Variants in TMEM132B observed in about 807,000 individuals in gnomAD.
TMEM132B encodes the protein transmembrane protein 132B.
In TMEM132B, 18 loss-of-function variants were observed where a neutral mutation model predicts 90.8. That is an observed-to-expected ratio of 0.20 (90% confidence interval 0.14 to 0.29). The LOEUF is 0.29. TMEM132B is among the 10% of genes least tolerant of loss of function. TMEM132B has a pLI of 1.00. For synonymous variants in TMEM132B, 504 were observed against 523.3 expected (o/e 0.96, Z 0.50); for missense variants, 1,096 against 1,326.8 (o/e 0.83, Z 2.70).
intron 3 of TMEM132B, among the ~76,000 whole-genome samples, chr12:125,440,331 C>T (rs571735551): frequency 6.6e-6 from 1 of 152,236 alleles, no homozygotes; most frequent in African/African-American, 2.4e-5. Context: ...TAAATTATTC[C>T]TCTTTTTAAA....
intron 4 of TMEM132B, among the ~76,000 whole-genome samples, chr12:125,524,344 A>G (rs1883389267): frequency 6.6e-6 from 1 of 152,226 alleles, no homozygotes. Context: ...CTATCCAGCC[A>G]GTTTCGTTAT....
Position 125,349,690 on chromosome 12 carries a change from C to A in TMEM132B, c.306C>A (p.Ile102=), listed in dbSNP as rs774049001. The A allele has an allele frequency of 4.3e-6, 7 of 1,614,076 alleles. No homozygotes were observed. The Admixed American group carries it at 5.0e-5, about 12-fold the overall frequency. Residue 102 remains isoleucine, a synonymous_variant, in exon 2 of 9, where the codon ATC becomes ATA. Coordinates refer to ENST00000682704, the MANE Select transcript of TMEM132B (RefSeq NM_001366854.1). The surrounding 1 kb of genome is among the most constrained non-coding windows in gnomAD (Gnocchi z 4.1). ...GCCCATTTTCAGTGGAGAAGATAAT[C>A]CCCCAGGAGCTCCTGTTGACATCTA... ...SYGPFSVEKI[I]PQELLLTSTA...
chr12:125,530,397 G>C (rs553789683), intron 4 of TMEM132B, among the ~76,000 whole-genome samples: 2 of 152,210 alleles, frequency 1.3e-5, no homozygotes, highest in South Asian at 2.1e-4. Flanking sequence ...GGTGGGAAGT[G>C]GGTTTTACAT....
intron 2 of TMEM132B, among the ~76,000 whole-genome samples, chr12:125,404,902 G>T (rs75313037): frequency 6.6e-6 from 1 of 152,088 alleles, no homozygotes; most frequent in African/African-American, 2.4e-5. Flanking sequence ...TTGTTTATAT[G>T]TAAGCCACTG....
At chr12:125,539,353 C>T (rs1022127411) in intron 4 of TMEM132B, among the ~76,000 whole-genome samples, 6 of 152,206 alleles carry the variant, frequency 3.9e-5, no homozygotes, top group Non-Finnish European at 5.9e-5. Context: ...CTCTGACAGG[C>T]TCTCTCTGAC....
chr12:125,398,326 T>C (rs1294137701), intron 2 of TMEM132B, among the ~76,000 whole-genome samples: 1 of 152,204 alleles, frequency 6.6e-6, no homozygotes, highest in East Asian at 1.9e-4. Context: ...ATCTCATCGA[T>C]TGAAAACCAT....
At chr12:125,411,109 TG>T (rs1879811413) in intron 2 of TMEM132B, among the ~76,000 whole-genome samples, 1 of 15,696 alleles carries the variant, frequency 6.4e-5, no homozygotes, top group Non-Finnish European at 1.2e-4. Flanking sequence ...GTGGAGTGAG[TG>T]GAGTGGAGTG....
chr12:125,376,881 T>C (rs1215587264), intron 2 of TMEM132B, among the ~76,000 whole-genome samples: 2 of 152,244 alleles, frequency 1.3e-5, no homozygotes, highest in South Asian at 2.1e-4. Flanking sequence ...AATAAATGCC[T>C]GCTCCAGTGT....
intron 2 of TMEM132B, among the ~76,000 whole-genome samples, chr12:125,392,618 G>C (rs998209046): frequency 6.6e-6 from 1 of 152,146 alleles, no homozygotes; most frequent in East Asian, 1.9e-4. Flanking sequence ...GGGGAGGTTT[G>C]GGGCACTGCA....
At chr12:125,334,158 T>A (rs570146393) in intron 1 of TMEM132B, among the ~76,000 whole-genome samples, 1 of 152,360 alleles carries the variant, frequency 6.6e-6, no homozygotes, top group East Asian at 1.9e-4. Flanking sequence ...GTATGAATTT[T>A]ACCATTTATC....
chr12:125,392,396 AT>A (rs1332397263), intron 2 of TMEM132B, among the ~76,000 whole-genome samples: 28 of 152,294 alleles, frequency 1.8e-4, no homozygotes, highest in African/African-American at 6.7e-4. Flanking sequence ...CACTCGCTTA[AT>A]GCTCAAGGCT....
At position 125,326,618 on chromosome 12, in the gene TMEM132B, C is replaced by A. The variant is rs534784048; in HGVS notation, c.68-22834C>A. Reference sequence around the variant, plus strand: ...GCCCTCGCCTCAGCTCCAGACTCTACGGGAAATGTTTGGTGCAGCATCCAG... The same window carrying A: ...GCCCTCGCCTCAGCTCCAGACTCTAAGGGAAATGTTTGGTGCAGCATCCAG... On this transcript the variant is annotated intron_variant, in intron 1 of 8. Transcript: ENST00000682704. The A allele has an allele frequency of 3.7e-6, 6 of 1,605,960 alleles. No homozygotes were observed. The African/African-American group carries it at 5.3e-5, about 14-fold the overall frequency.
At chr12:125,432,528 T>TAGAGAGAG (rs1163300235) in intron 3 of TMEM132B, among the ~76,000 whole-genome samples, 22 of 39,124 alleles carry the variant, frequency 5.6e-4, no homozygotes, top group Non-Finnish European at 9.5e-4. Context: ...TATATATATA[T>TAGAGAGAG]AGAGAGAGAG....
At chr12:125,350,421 G>A (rs1413465535) in intron 2 of TMEM132B, 78 bp downstream of exon 2, 1 of 1,470,060 alleles carries the variant, frequency 6.8e-7, no homozygotes, top group African/African-American at 1.4e-5. Flanking sequence ...TAAAATGGGT[G>A]TTGATCATTT....
chr12:125,536,143 G>A (rs533911685), intron 4 of TMEM132B, among the ~76,000 whole-genome samples: 1 of 152,348 alleles, frequency 6.6e-6, no homozygotes, highest in Admixed American at 6.5e-5. Context: ...ATGAAGGACA[G>A]GGTGTCAGGT....
intron 2 of TMEM132B, among the ~76,000 whole-genome samples, chr12:125,385,164 A>T (rs1446591693): frequency 6.6e-6 from 1 of 152,224 alleles, no homozygotes; most frequent in Non-Finnish European, 1.5e-5. Context: ...TAACATTTTA[A>T]AATTAGGCAA....
At chr12:125,577,520 C>T (rs866655375) in intron 4 of TMEM132B, among the ~76,000 whole-genome samples, 62 of 149,542 alleles carry the variant, frequency 4.1e-4, no homozygotes, top group African/African-American at 1.3e-3. Context: ...TAATATTCAA[C>T]ATAACATTAT....
At chr12:125,479,135 C>T (rs533704162) in intron 3 of TMEM132B, among the ~76,000 whole-genome samples, 107 of 152,256 alleles carry the variant, frequency 7.0e-4, no homozygotes, top group African/African-American at 2.0e-3. Flanking sequence ...AAGGAACAAC[C>T]GGTACCAGCC....
intron 3 of TMEM132B, among the ~76,000 whole-genome samples, chr12:125,491,055 T>G (rs1188186953): frequency 2.6e-5 from 4 of 152,082 alleles, no homozygotes; most frequent in African/African-American, 9.7e-5. Flanking sequence ...AGCCTTTGGA[T>G]GACTGCAGCC....
Sources: allele counts gnomAD v4.1 joint callset (sites outside exome capture counted in the v4.1 genomes callset), GRCh38; gene constraint gnomAD v4.1.1; non-coding constraint Gnocchi (gnomAD v3.1); transcripts MANE v1.5; gene names NCBI Gene and HGNC (gene_info 2026-07-23, HGNC 2026-07-21).